The following CATSPERB variants were observed in gnomAD, a reference collection of about 807,000 sequenced individuals.
CATSPERB encodes catsper channel auxiliary subunit beta.
A neutral mutation model predicts 128.3 loss-of-function variants in CATSPERB; 93 were observed. The ratio of observed to expected loss-of-function variants is 0.72; its 90% CI spans 0.61 to 0.86. The LOEUF (loss-of-function observed/expected upper bound fraction) is 0.86, where lower values mean the gene tolerates loss of function less well. Among genes scored for constraint, CATSPERB ranks in the 40% least tolerant of loss-of-function variants. The pLI, the probability that CATSPERB is intolerant of heterozygous loss-of-function variation, is 0.00. For missense variants in CATSPERB, 1,153 were observed against 1,329.5 expected (o/e 0.87, Z 2.06); for synonymous variants, 381 against 448.8 (o/e 0.85, Z 1.91).
At chr14:91,708,804 G>A (rs1376089291) in intron 5 of CATSPERB, among the ~76,000 whole-genome samples, 1 of 152,210 alleles carries the variant, frequency 6.6e-6, no homozygotes, top group Non-Finnish European at 1.5e-5. Flanking sequence ...TCATCTAAAA[G>A]ACTAGATTTG....
At chr14:91,647,154 T>G (rs150281902) in intron 15 of CATSPERB, among the ~76,000 whole-genome samples, 1 of 152,252 alleles carries the variant, frequency 6.6e-6, no homozygotes. Flanking sequence ...CCAATGGCCA[T>G]AACCTCTCAG....
At chr14:91,662,836 C>T (rs1429924433) in intron 14 of CATSPERB, among the ~76,000 whole-genome samples, 1 of 152,134 alleles carries the variant, frequency 6.6e-6, no homozygotes, top group Non-Finnish European at 1.5e-5. Flanking sequence ...CACTTGTTTC[C>T]TTTTCTGTGA....
At chr14:91,676,160 C>G (rs1189735270) in intron 11 of CATSPERB, among the ~76,000 whole-genome samples, 1 of 152,086 alleles carries the variant, frequency 6.6e-6, no homozygotes, top group Non-Finnish European at 1.5e-5. Context: ...GAAATTAATT[C>G]TTTTACATGT....
At chr14:91,636,323 A>T in intron 17 of CATSPERB, 102 bp downstream of exon 17, 1 of 1,025,702 alleles carries the variant, frequency 9.7e-7, no homozygotes, top group Non-Finnish European at 1.5e-6. Flanking sequence ...TCATCGCACT[A>T]CTGCACTCCA....
At chr14:91,628,624 T>C (rs770119249) in intron 17 of CATSPERB, among the ~76,000 whole-genome samples, 1 of 152,204 alleles carries the variant, frequency 6.6e-6, no homozygotes, top group Non-Finnish European at 1.5e-5. Context: ...TCCCCTGCAC[T>C]GTCTCTTTCT....
chr14:91,723,398 G>A (rs1896066464), intron 3 of CATSPERB, among the ~76,000 whole-genome samples: 1 of 151,954 alleles, frequency 6.6e-6, no homozygotes, highest in Non-Finnish European at 1.5e-5. Context: ...CATAGAAATG[G>A]TCATTATTAT....
intron 24 of CATSPERB, among the ~76,000 whole-genome samples, chr14:91,588,406 C>T (rs1422379477): frequency 6.6e-6 from 1 of 152,088 alleles, no homozygotes; most frequent in Non-Finnish European, 1.5e-5. Flanking sequence ...CTTTTCCTTC[C>T]AGCCCCATGC....
At chr14:91,714,117 C>T (rs1471194533) in intron 5 of CATSPERB, among the ~76,000 whole-genome samples, 2 of 151,962 alleles carry the variant, frequency 1.3e-5, no homozygotes, top group African/African-American at 4.8e-5. Context: ...AATAAAAACT[C>T]GGCAAACTTG....
chr14:91,617,893 T>C (rs1162823265), intron 19 of CATSPERB, among the ~76,000 whole-genome samples, 157 bp from the exon 20 acceptor site: 2 of 152,172 alleles, frequency 1.3e-5, no homozygotes, highest in African/African-American at 4.8e-5. Flanking sequence ...AGAGTCAACT[T>C]TAATAGTTCT....
At position 91,580,829 on chromosome 14, in the gene CATSPERB, T is replaced by C. The variant is rs1002064179; in HGVS notation, c.*60A>G. The C allele has an allele frequency of 2.3e-6, 3 of 1,289,668 alleles. No homozygotes were observed. Among genetic ancestry groups the C allele is most frequent in the African/African-American group, 1.5e-5 (1 of 67,516 alleles). The allele number at this position is 1,289,668 out of a possible 1,614,324, so 79.9% of individuals were successfully genotyped here. A position where few individuals can be genotyped will look rare whatever the true frequency, so the allele number is the denominator to read the frequency against. ...CTTGCATATTTAACATTTAAATATA[T>C]TGTTCTAGGAATTGGCTGATAAAAC... On this transcript the variant is annotated 3_prime_UTR_variant, in exon 27 of 27. Transcript: ENST00000256343.
chr14:91,669,742 T>G, intron 14 of CATSPERB, 72 bp downstream of exon 14: 1 of 1,403,408 alleles, frequency 7.1e-7, no homozygotes, highest in Non-Finnish European at 9.6e-7. Context: ...CTGTTCTTAA[T>G]GTACAGCCAT....
At chr14:91,677,301 G>T (rs560216434) in intron 11 of CATSPERB, among the ~76,000 whole-genome samples, 2 of 152,110 alleles carry the variant, frequency 1.3e-5, no homozygotes, top group East Asian at 3.9e-4. Context: ...ACGAATGGGA[G>T]AATATTTTTG....
intron 11 of CATSPERB, among the ~76,000 whole-genome samples, chr14:91,679,277 TA>T (rs1442131569): frequency 6.6e-6 from 1 of 152,182 alleles, no homozygotes; most frequent in Non-Finnish European, 1.5e-5. Context: ...AGTTTAAAGT[TA>T]TTAAAAATAA....
Position 91,725,188 on chromosome 14 carries a change from C to T in CATSPERB, c.80-20G>A. 1 of 1,245,474 alleles carries T rather than the reference C, an allele frequency of 8.0e-7. No individual in the cohort carries two copies. Among genetic ancestry groups the T allele is most frequent in the Non-Finnish European group, 1.1e-6 (1 of 903,716 alleles). The allele number at this position is 1,245,474 out of a possible 1,614,324, so 77.2% of individuals were successfully genotyped here. Reference sequence around the variant, plus strand: ...TATCATCTAAATAATAAAAAAAATACATATATTAGATCACTGATAGAAGAC... The same window carrying T: ...TATCATCTAAATAATAAAAAAAATATATATATTAGATCACTGATAGAAGAC... On this transcript the variant is annotated intron_variant, in intron 2 of 26. Coordinates refer to ENST00000256343, the MANE Select transcript of CATSPERB (RefSeq NM_024764.4).
intron 14 of CATSPERB, among the ~76,000 whole-genome samples, chr14:91,667,530 T>C (rs1345654612): frequency 1.3e-5 from 2 of 152,180 alleles, no homozygotes; most frequent in Non-Finnish European, 2.9e-5. Context: ...AGCCAAGGCA[T>C]ATTCTTCTTA....
rs758232881 is a variant in CATSPERB, at chr14:91,673,019, A to T, written c.979-3T>A. 4 of 1,569,870 alleles carry T rather than the reference A, an allele frequency of 2.5e-6. No homozygotes were observed. In the East Asian group the frequency reaches 6.9e-5, roughly 27 times the overall value. ...TGACTATAAAAACAAGAGCTTGACT[A>T]TAAAAAAAAGAAGGGAAAAATTAAT... On this transcript the variant is annotated splice_polypyrimidine_tract_variant and splice_region_variant and intron_variant, in intron 12 of 26. Coordinates refer to ENST00000256343, the MANE Select transcript of CATSPERB (RefSeq NM_024764.4).
chr14:91,660,517 G>C (rs1173369315), intron 14 of CATSPERB, among the ~76,000 whole-genome samples: 1 of 152,130 alleles, frequency 6.6e-6, no homozygotes, highest in Non-Finnish European at 1.5e-5. Context: ...TATTACTATA[G>C]CATCTTAGTT....
intron 19 of CATSPERB, among the ~76,000 whole-genome samples, chr14:91,618,226 T>C (rs1177526968): frequency 6.6e-6 from 1 of 152,160 alleles, no homozygotes; most frequent in African/African-American, 2.4e-5. Context: ...GTCACTCTGA[T>C]TGCTATCTTG....
chr14:91,711,808 G>C (rs1161842171), intron 5 of CATSPERB, among the ~76,000 whole-genome samples: 1 of 152,158 alleles, frequency 6.6e-6, no homozygotes, highest in Non-Finnish European at 1.5e-5. Context: ...AGTACATGGG[G>C]CATCTACTAA....
Sources: allele counts gnomAD v4.1 joint callset (sites outside exome capture counted in the v4.1 genomes callset), GRCh38; gene constraint gnomAD v4.1.1; transcripts MANE v1.5; gene names NCBI Gene and HGNC (gene_info 2026-07-23, HGNC 2026-07-21).